Variants in AMPD1 observed in about 807,000 individuals in gnomAD.
AMPD1 encodes AMP deaminase 1.
In AMPD1, 74 loss-of-function variants were observed where a neutral mutation model predicts 82.9. The ratio of observed to expected loss-of-function variants is 0.89; its 90% CI spans 0.74 to 1.08. The LOEUF is 1.08. Among genes scored for constraint, AMPD1 ranks in the 50% least tolerant of loss-of-function variants. The pLI, the probability that AMPD1 is intolerant of heterozygous loss-of-function variation, is 0.00. For synonymous variants in AMPD1, 333 were observed against 320.5 expected, an observed-to-expected ratio of 1.04 and a Z score of -0.42; for missense variants, 881 against 924.5, an observed-to-expected ratio of 0.95 and a Z score of 0.61.
intron 5 of AMPD1, among the ~76,000 whole-genome samples, chr1:114,682,588 T>G (rs1186784574): frequency 6.6e-6 from 1 of 151,812 alleles, no homozygotes; most frequent in Non-Finnish European, 1.5e-5. Context: ...AATCTTTTTT[T>G]TTTTTTTTGA....
chr1:114,675,580 G>C lies in AMPD1; in HGVS notation c.1629C>G (p.Tyr543Ter). ...WTLEKNPSYTYYAYYMYANIM... is the reference protein window; with the variant it reads ...WTLEKNPSYT Reference sequence around the variant, plus strand: ...TGTTTGCATACATGTAGTAGGCATAGTAAGTGTAAGATGGATTCTTTTCCA... The same window carrying C: ...TGTTTGCATACATGTAGTAGGCATACTAAGTGTAAGATGGATTCTTTTCCA... Residue 543 changes from tyrosine (Y) to a stop codon, truncating the protein, a stop_gained, in exon 12 of 16, where the codon TAC (tyrosine) becomes TAG (stop). Coordinates refer to ENST00000520113, the MANE Select transcript of AMPD1 (RefSeq NM_000036.3). LOFTEE classifies it high-confidence loss of function. The C allele has an allele frequency of 6.2e-7, 1 of 1,614,210 alleles. No homozygotes were observed.
chr1:114,688,545 C>G lies in AMPD1; in HGVS notation c.215+16G>C. ...TTAGGTGCCAATATACTAAGCACTC[C>G]CCTTACACCACTTACCTCCTGGCTT... is the stretch of plus-strand genomic sequence containing the variant. On this transcript the variant is annotated intron_variant, in intron 3 of 15. Transcript: ENST00000520113. 4 of 1,614,024 alleles carry G rather than the reference C, an allele frequency of 2.5e-6. No individual in the cohort carries two copies. In the South Asian group the frequency reaches 4.4e-5, roughly 18 times the overall value.
intron 9 of AMPD1, among the ~76,000 whole-genome samples, 178 bp downstream of exon 9, chr1:114,677,732 T>C (rs1250938445): frequency 6.6e-6 from 1 of 152,044 alleles, no homozygotes; most frequent in Non-Finnish European, 1.5e-5. Flanking sequence ...TATATTCATT[T>C]GTGTAGTGTT....
chr1:114,678,510 A>C lies in AMPD1; in HGVS notation c.915T>G (p.His305Gln), dbSNP rs1557970001. 6.2e-7 allele frequency: 1 copy of C among 1,614,170 alleles called. No individual in the cohort carries two copies. The highest frequency in any genetic ancestry group is 8.5e-7 in the Non-Finnish European group (1 of 1,180,006). ...YNCRKVDTHI[H>Q]AAACMNQKHL... ...GTTTCTGGTTCATGCAAGCGGCTGC[A>C]TGGATATGGGTGTCCACCTGTATGT... Residue 305 changes from histidine (H) to glutamine (Q), a missense_variant, in exon 8 of 16, where the codon CAT becomes CAG. This residue lies in a region of AMPD1 where 783 missense variants were observed against 786.4 expected (regional missense o/e 1.00). Coordinates refer to ENST00000520113, the MANE Select transcript of AMPD1 (RefSeq NM_000036.3).
At chr1:114,692,635 G>A (rs537119646) in intron 2 of AMPD1, among the ~76,000 whole-genome samples, 13 of 151,802 alleles carry the variant, frequency 8.6e-5, no homozygotes, top group Middle Eastern at 3.4e-3. Flanking sequence ...GTGAGCTATC[G>A]CACCACTGCA....
intron 2 of AMPD1, 113 bp downstream of exon 2, chr1:114,693,323 C>G (rs1658577044): frequency 9.4e-7 from 1 of 1,063,928 alleles, no homozygotes. Flanking sequence ...ACTTTCAAGG[C>G]TATTATTTAA....
intron 2 of AMPD1, among the ~76,000 whole-genome samples, chr1:114,690,294 G>A (rs1658477088): frequency 6.6e-6 from 1 of 152,208 alleles, no homozygotes; most frequent in Non-Finnish European, 1.5e-5. Flanking sequence ...AATGTATGTG[G>A]AAATGCCTTA....
intron 5 of AMPD1, among the ~76,000 whole-genome samples, chr1:114,682,078 C>G (rs769354560): frequency 2.6e-5 from 4 of 152,210 alleles, no homozygotes; most frequent in Non-Finnish European, 5.9e-5. Flanking sequence ...ACATTTCGCA[C>G]CGTCAGAGCC....
Position 114,686,763 on chromosome 1 carries a change from A to C in AMPD1, c.363T>G (p.Thr121=). 6.2e-7 allele frequency: 1 copy of C among 1,614,150 alleles called. No individual in the cohort carries two copies. ...AACTCACCCCAGAGGCATAGTCACC[A>C]GTAATCTGCACTCTCTGAAAATCAG... is the stretch of plus-strand genomic sequence containing the variant. The part of the protein sequence containing the change: ...TVPDFQRVQI[T]GDYASGVTVE... The change falls in exon 4 of 16, where the codon ACT becomes ACG. Residue 121 remains threonine (T), a synonymous_variant. Coordinates refer to ENST00000520113, the MANE Select transcript of AMPD1 (RefSeq NM_000036.3).
At chr1:114,692,825 T>G (rs1297264711) in intron 2 of AMPD1, among the ~76,000 whole-genome samples, 1 of 151,478 alleles carries the variant, frequency 6.6e-6, no homozygotes, top group Non-Finnish European at 1.5e-5. Flanking sequence ...GGCTAATCTA[T>G]GTCATTTATT....
At chr1:114,688,499 T>A (rs1658384711) in intron 3 of AMPD1, 62 bp downstream of exon 3, 1 of 1,565,064 alleles carries the variant, frequency 6.4e-7, no homozygotes, top group Non-Finnish European at 8.8e-7. Flanking sequence ...GAACCATATC[T>A]TCCCTGGCAG....
chr1:114,684,424 G>A (rs1274614888), intron 4 of AMPD1, 60 bp from the exon 5 acceptor site: 1 of 1,575,398 alleles, frequency 6.3e-7, no homozygotes, highest in Non-Finnish European at 8.7e-7. Context: ...TGAGAAGTGA[G>A]TAAAGCTTAT....
In AMPD1 at chr1:114,677,891, G is replaced by A; in HGVS notation, c.1224+19C>T. 6.2e-7 allele frequency: 1 copy of A among 1,605,254 alleles called. No individual in the cohort carries two copies. The highest frequency in any genetic ancestry group is 8.5e-7 in the Non-Finnish European group (1 of 1,176,614). On this transcript the variant is annotated intron_variant, in intron 9 of 15. Transcript: ENST00000520113. ...AAGAACCATGCCAGATACCATAGAT[G>A]TGATTGGTTCCGCCTCACCTTGATG...
In AMPD1 at chr1:114,673,247, T is replaced by C; in HGVS notation, c.2111A>G (p.Asn704Ser). 1.2e-6 allele frequency: 2 copies of C among 1,614,178 alleles called. No homozygotes were observed. Among genetic ancestry groups the C allele is most frequent in the Non-Finnish European group, 1.7e-6 (2 of 1,180,006 alleles). Residue 704 changes from asparagine (N) to serine (S), a missense_variant, in exon 16 of 16, where the codon AAT (asparagine) becomes AGT (serine). Coordinates refer to ENST00000520113, the MANE Select transcript of AMPD1 (RefSeq NM_000036.3). ...HEEKVKFLGDNYLEEGPAGND... is the reference protein window; with the variant it reads ...HEEKVKFLGDSYLEEGPAGND... The stretch of plus-strand genomic sequence containing the variant: ...TCCAGCAGGGCCTTCCTCAAGGTAA[T>C]TGTCGCCCAGAAACTTTACTTTCTC...
intron 4 of AMPD1, among the ~76,000 whole-genome samples, chr1:114,686,391 G>A (rs1481795176): frequency 6.6e-6 from 1 of 151,990 alleles, no homozygotes; most frequent in Non-Finnish European, 1.5e-5. Context: ...TGCCTCCCCA[G>A]AGGCTCCCTT....
In AMPD1 at chr1:114,684,079, G is replaced by A. The variant is rs1054088849; in HGVS notation, c.547+120C>T. 7 of 1,122,218 alleles carry A rather than the reference G, an allele frequency of 6.2e-6. No individual in the cohort carries two copies. The Admixed American group carries it at 8.8e-5, about 14-fold the overall frequency. 69.5% of individuals were successfully genotyped at this position (1,122,218 alleles called of 1,614,324 possible). On this transcript the variant is annotated intron_variant, in intron 5 of 15. Coordinates refer to ENST00000520113, the MANE Select transcript of AMPD1 (RefSeq NM_000036.3). ...GGACACGTGAGGAAATGGGGCCAAA[G>A]ATGATTATGACTATGATATTTTTAG...
At chr1:114,687,146 A>T (rs1658345615) in intron 3 of AMPD1, 1 of 562,170 alleles carries the variant, frequency 1.8e-6, no homozygotes, top group Admixed American at 2.7e-5. Context: ...CTACTAGAAG[A>T]CCTTCACCAT....
At position 114,684,324 on chromosome 1, in the gene AMPD1, T is replaced by C. The variant is rs1232219627; in HGVS notation, c.422A>G (p.Tyr141Cys). The C allele has an allele frequency of 3.7e-6, 6 of 1,613,646 alleles. No individual in the cohort carries two copies. Among genetic ancestry groups the C allele is most frequent in the Non-Finnish European group, 5.1e-6 (6 of 1,180,000 alleles). The part of the protein sequence containing the change: ...EDFEIVCKGL[Y>C]RALCIREKYM... ...TTTCTCACGTATGCATAGTGCCCGA[T>C]ACAGACCTTTGCAAACAATTTCAAA... Residue 141 changes from tyrosine to cysteine, a missense_variant, in exon 5 of 16, where the codon TAT (tyrosine) becomes TGT (cysteine). Physicochemically the swap from Tyr to Cys is radical, Grantham distance 194. Transcript: ENST00000520113.
At chr1:114,691,482 C>G (rs541759929) in intron 2 of AMPD1, among the ~76,000 whole-genome samples, 1 of 151,714 alleles carries the variant, frequency 6.6e-6, no homozygotes, top group African/African-American at 2.4e-5. Context: ...GTGGGAGGAT[C>G]GTTTGAGCCC....
Sources: allele counts gnomAD v4.1 joint callset (sites outside exome capture counted in the v4.1 genomes callset), GRCh38; gene constraint gnomAD v4.1.1; regional missense constraint gnomAD v4.1.1; transcripts MANE v1.5; gene names NCBI Gene and HGNC (gene_info 2026-07-23, HGNC 2026-07-21).